KCNMB2: variants seen among roughly 807,000 people sequenced by gnomAD.
KCNMB2 encodes potassium calcium-activated channel subfamily M regulatory beta subunit 2.
KCNMB2 carries 9 observed loss-of-function variants against 24.5 expected under a neutral mutation model. The ratio of observed to expected loss-of-function variants is 0.37; its 90% CI spans 0.22 to 0.64. The LOEUF (loss-of-function observed/expected upper bound fraction) is 0.64, where lower values mean the gene tolerates loss of function less well. Ranked by LOEUF, KCNMB2 falls within the 30% of genes least tolerant of loss-of-function variation. KCNMB2 has a pLI of 0.63. For missense variants in KCNMB2, 226 were observed against 284.3 expected, an observed-to-expected ratio of 0.79 and a Z score of 1.47; for synonymous variants, 109 against 104.4, an observed-to-expected ratio of 1.04 and a Z score of -0.27.
intron 1 of KCNMB2, among the ~76,000 whole-genome samples, chr3:178,794,778 G>C (rs918757413): frequency 6.6e-6 from 1 of 152,206 alleles, no homozygotes; most frequent in South Asian, 2.1e-4. Flanking sequence ...CACAGGTGGG[G>C]AGGGTCTTAA....
chr3:178,761,466 A>G (rs771760184), intron 1 of KCNMB2, among the ~76,000 whole-genome samples: 3 of 152,196 alleles, frequency 2.0e-5, no homozygotes, highest in Non-Finnish European at 4.4e-5. Context: ...GTCTATCCAC[A>G]TCCTATTAGT....
At chr3:178,607,544 T>C (rs1408994417) in intron 1 of KCNMB2, among the ~76,000 whole-genome samples, 2 of 152,186 alleles carry the variant, frequency 1.3e-5, no homozygotes, top group South Asian at 2.1e-4. Flanking sequence ...TGAGAGTTTA[T>C]ATACAGGATT....
intron 1 of KCNMB2, among the ~76,000 whole-genome samples, chr3:178,665,326 A>G (rs1720680563): frequency 6.6e-6 from 1 of 152,146 alleles, no homozygotes; most frequent in African/African-American, 2.4e-5. Flanking sequence ...TTCAAATATA[A>G]TTTTGTTTTC....
intron 1 of KCNMB2, among the ~76,000 whole-genome samples, chr3:178,661,824 T>C (rs139593252): frequency 2.6e-4 from 40 of 152,308 alleles, no homozygotes; most frequent in African/African-American, 7.9e-4. Flanking sequence ...AGCTCTGCTC[T>C]ACATGTCTTT....
chr3:178,797,390 C>T (rs1713592209), intron 1 of KCNMB2, among the ~76,000 whole-genome samples: 1 of 152,050 alleles, frequency 6.6e-6, no homozygotes, highest in Admixed American at 6.6e-5. Flanking sequence ...GTCTATGAGA[C>T]CATTATTACC....
intron 1 of KCNMB2, among the ~76,000 whole-genome samples, chr3:178,776,018 C>T (rs184617875): frequency 3.9e-5 from 6 of 152,038 alleles, no homozygotes; most frequent in African/African-American, 1.2e-4. Flanking sequence ...CTTAACACTC[C>T]GAAGTCTGTA....
At chr3:178,683,646 C>T (rs1350929325) in intron 1 of KCNMB2, among the ~76,000 whole-genome samples, 1 of 152,144 alleles carries the variant, frequency 6.6e-6, no homozygotes, top group Non-Finnish European at 1.5e-5. Flanking sequence ...GCTCAGTGGC[C>T]ATATGTACCT....
chr3:178,669,374 A>T (rs929351479), intron 1 of KCNMB2, among the ~76,000 whole-genome samples: 1 of 152,154 alleles, frequency 6.6e-6, no homozygotes, highest in African/African-American at 2.4e-5. Flanking sequence ...AAAAAAGAGG[A>T]GAGAGGAGAG....
At chr3:178,553,904 G>A (rs964129447) in intron 1 of KCNMB2, among the ~76,000 whole-genome samples, 7 of 151,724 alleles carry the variant, frequency 4.6e-5, no homozygotes, top group African/African-American at 1.7e-4. Context: ...AAGGAATGAA[G>A]GTAAGCAGAG....
At chr3:178,821,735 A>G (rs1398149795) in intron 2 of KCNMB2, among the ~76,000 whole-genome samples, 1 of 152,212 alleles carries the variant, frequency 6.6e-6, no homozygotes, top group Non-Finnish European at 1.5e-5. Flanking sequence ...TGATTTCTCC[A>G]GTCATCCACA....
At chr3:178,767,201 AT>A (rs1353759466) in intron 1 of KCNMB2, among the ~76,000 whole-genome samples, 3 of 152,224 alleles carry the variant, frequency 2.0e-5, no homozygotes, top group African/African-American at 7.2e-5. Context: ...ACTGTATTAT[AT>A]TTATTCAAAG....
chr3:178,699,992 G>T (rs970806047), intron 1 of KCNMB2, among the ~76,000 whole-genome samples: 2 of 152,224 alleles, frequency 1.3e-5, no homozygotes, highest in African/African-American at 4.8e-5. Flanking sequence ...GAGTCCCAGT[G>T]TGCAATGGCC....
At chr3:178,568,346 G>T (rs1449793772) in intron 1 of KCNMB2, among the ~76,000 whole-genome samples, 1 of 152,184 alleles carries the variant, frequency 6.6e-6, no homozygotes, top group Non-Finnish European at 1.5e-5. Flanking sequence ...ACACCACTGT[G>T]AGTGTAACTA....
At chr3:178,568,800 TA>T (rs1252388411) in intron 1 of KCNMB2, among the ~76,000 whole-genome samples, 1 of 90,158 alleles carries the variant, frequency 1.1e-5, no homozygotes, top group African/African-American at 5.6e-5. Flanking sequence ...GATAGATAGA[TA>T]GATAGATAGA....
intron 4 of KCNMB2, among the ~76,000 whole-genome samples, chr3:178,835,942 G>C (rs56071834): frequency 6.6e-6 from 1 of 151,978 alleles, no homozygotes; most frequent in Non-Finnish European, 1.5e-5. Context: ...ATGCTACATG[G>C]TATATTGGAG....
chr3:178,833,960 C>T (rs1577223976), intron 4 of KCNMB2, among the ~76,000 whole-genome samples: 1 of 152,130 alleles, frequency 6.6e-6, no homozygotes, highest in Admixed American at 6.6e-5. Flanking sequence ...AAAACAGCAG[C>T]TGAGTATTAA....
chr3:178,824,143 C>T (rs1714740136), intron 2 of KCNMB2, among the ~76,000 whole-genome samples: 1 of 152,146 alleles, frequency 6.6e-6, no homozygotes, highest in African/African-American at 2.4e-5. Flanking sequence ...TCCCCAAGCA[C>T]CCAGCACTTC....
intron 1 of KCNMB2, among the ~76,000 whole-genome samples, chr3:178,756,721 C>A (rs1006911566): frequency 2.6e-5 from 4 of 152,086 alleles, no homozygotes; most frequent in Non-Finnish European, 5.9e-5. Context: ...TAGCACTTTC[C>A]AGAGCAACCT....
intron 1 of KCNMB2, among the ~76,000 whole-genome samples, chr3:178,760,502 A>T (rs947037645): frequency 7.0e-5 from 8 of 113,824 alleles, no homozygotes; most frequent in African/African-American, 2.0e-4. Flanking sequence ...TATCTCCAAG[A>T]GTTTCGTGTG....
Sources: gnomAD v4.1 joint callset for allele counts (sites outside exome capture counted in the v4.1 genomes callset) on GRCh38, gnomAD v4.1.1 for gene constraint, MANE v1.5 for transcripts, NCBI Gene and HGNC (gene_info 2026-07-23, HGNC 2026-07-21) for gene names.